LILRB4: variants seen among roughly 807,000 people sequenced by gnomAD.
LILRB4 encodes the protein leukocyte immunoglobulin-like receptor subfamily B member 4.
A neutral mutation model predicts 55.2 loss-of-function variants in LILRB4; 49 were observed. That is an observed-to-expected ratio of 0.89 (90% CI 0.71 to 1.13). The LOEUF (loss-of-function observed/expected upper bound fraction) is 1.13, where lower values mean the gene tolerates loss of function less well. LILRB4 is among the 50% of genes most tolerant of loss of function. LILRB4 has a pLI of 0.00. For synonymous variants in LILRB4, 229 were observed against 213.8 expected (o/e 1.07, Z -0.62); for missense variants, 590 against 555.2 (o/e 1.06, Z -0.63).
exon 3 of LILRB4, chr19:54,663,834 G>A (rs2065129728): frequency 3.7e-6 from 6 of 1,614,184 alleles, no homozygotes; most frequent in Non-Finnish European, 5.1e-6. Context: ...CTGGTGTCAG[G>A]GGACCCTGGA....
rs1054638220 is a variant in LILRB4, at chr19:54,666,041, C to G, written c.874+110C>G. On this transcript the variant is annotated intron_variant, in intron 7 of 11. Coordinates refer to ENST00000430952, the Ensembl canonical transcript of LILRB4. This position sits in a 1 kb window ranked among gnomAD's most constrained non-coding sequence, Gnocchi z 4.8. ...TCTTAGAAACTCTGCTCCAGAAATT[C>G]CCAGTGAGAAAATCTAGAAAGAAGA... is the stretch of plus-strand genomic sequence containing the variant. 5 of 1,430,586 alleles carry G rather than the reference C, an allele frequency of 3.5e-6. No homozygotes were observed. Among genetic ancestry groups the G allele is most frequent in the Non-Finnish European group, 4.8e-6 (5 of 1,044,892 alleles). The allele number at this position is 1,430,586 out of a possible 1,614,324, so 88.6% of individuals were successfully genotyped here. A position where few individuals can be genotyped will look rare whatever the true frequency, so the allele number is the denominator to read the frequency against.
intron 10 of LILRB4, 77 bp from the exon 11 acceptor site, chr19:54,667,558 C>T: frequency 6.3e-7 from 1 of 1,593,046 alleles, no homozygotes; most frequent in Non-Finnish European, 8.5e-7. Flanking sequence ...ATCGGATCAC[C>T]CTGGGAACAG....
chr19:54,667,939 A>G (rs534751), exon 12 of LILRB4: 56 of 1,613,180 alleles, frequency 3.5e-5, no homozygotes, highest in Middle Eastern at 1.6e-4. Context: ...CCTCAGACAG[A>G]AGGCAACTGA....
At chr19:54,663,212 C>G (rs754290951) in intron 1 of LILRB4, 145 bp downstream of exon 1, 4 of 931,924 alleles carry the variant, frequency 4.3e-6, no homozygotes, top group Non-Finnish European at 6.3e-6. Context: ...TTTGGGAGGC[C>G]GAGGCGGGCG....
In LILRB4 at chr19:54,667,165, G is replaced by A. The variant is rs373769110; in HGVS notation, c.1041+416G>A. The A allele has an allele frequency of 3.6e-3, 2,013 of 559,960 alleles. 15 individuals are homozygous for A. Among genetic ancestry groups the A allele is most frequent in the African/African-American group, 0.013 (683 of 52,634 alleles). 34.7% of individuals were successfully genotyped at this position (559,960 alleles called of 1,614,324 possible). A position where few individuals can be genotyped will look rare whatever the true frequency, so the allele number is the denominator to read the frequency against. On this transcript the variant is annotated intron_variant, in intron 10 of 11. Transcript: ENST00000430952. ...CGCCCCCGCCTCCTGAGCTCACCTC[G>A]TGGTGGGAGACAAAATGCAAATAAA...
In LILRB4 at chr19:54,665,733, C is replaced by T; in HGVS notation, c.758-82C>T. On this transcript the variant is annotated intron_variant, in intron 6 of 11. Coordinates refer to ENST00000430952, the Ensembl canonical transcript of LILRB4. The surrounding 1 kb of genome is among the most constrained non-coding windows in gnomAD (Gnocchi z 5.5). ...AGGGTTGGAGGTAATGAAAGAAAGA[C>T]CCAGCACACACAGTAGGTGCACACA... The T allele has an allele frequency of 6.7e-7, 1 of 1,482,432 alleles. No individual in the cohort carries two copies. The highest frequency in any genetic ancestry group is 9.2e-7 in the Non-Finnish European group (1 of 1,083,904). The allele number at this position is 1,482,432 out of a possible 1,614,324, so 91.8% of individuals were successfully genotyped here.
Position 54,665,411 on chromosome 19 carries a change from A to G in LILRB4, c.757+231A>G, listed in dbSNP as rs2065221626. Among the ~76,000 whole-genome samples the G allele has an allele frequency of 6.6e-6, 1 of 151,974 alleles. No homozygotes were observed. Among genetic ancestry groups the G allele is most frequent in the Non-Finnish European group, 1.5e-5 (1 of 67,964 alleles). On this transcript the variant is annotated intron_variant, in intron 6 of 11. Coordinates refer to ENST00000430952, the Ensembl canonical transcript of LILRB4. The surrounding 1 kb of genome is among the most constrained non-coding windows in gnomAD (Gnocchi z 5.5). ...GAGGAGGCCTCCCAGGGAACCTCCCAGACCCGATTCCGCAGGGGCCTGTCC... is the reference window on the plus strand; with the variant it reads ...GAGGAGGCCTCCCAGGGAACCTCCCGGACCCGATTCCGCAGGGGCCTGTCC...
At chr19:54,668,271 G>A (rs923784377) in exon 12 of LILRB4, 2 of 488,498 alleles carry the variant, frequency 4.1e-6, no homozygotes, top group Admixed American at 3.7e-5. Flanking sequence ...GTCAGACAAT[G>A]TTTTAAATTG....
At chr19:54,664,765 C>G in intron 4 of LILRB4, 34 bp from the exon 5 acceptor site, 1 of 1,510,648 alleles carries the variant, frequency 6.6e-7, no homozygotes, top group Non-Finnish European at 9.0e-7. Context: ...AGGGCAACCC[C>G]AGACTCTCAC....
In LILRB4 at chr19:54,665,954, C is replaced by T. The variant is rs778240144; in HGVS notation, c.874+23C>T. On this transcript the variant is annotated intron_variant, in intron 7 of 11. Transcript: ENST00000430952. This position sits in a 1 kb window ranked among gnomAD's most constrained non-coding sequence, Gnocchi z 5.5. ...TGGGTAAGTAGGAAATTGGGGGACC[C>T]GTGGGCTGATGGAGGGTGGGCTCAG... 69 of 1,613,444 alleles carry T rather than the reference C, an allele frequency of 4.3e-5. 1 individual carries two copies. The highest frequency in any genetic ancestry group is 2.9e-4 in the East Asian group (13 of 44,852).
In LILRB4 at chr19:54,665,643, TCA is replaced by T. The variant is rs1209304275; in HGVS notation, c.758-171_758-170del. Among the ~76,000 whole-genome samples, 3 of 152,140 alleles carry T rather than the reference TCA, an allele frequency of 2.0e-5. No individual in the cohort carries two copies. On this transcript the variant is annotated intron_variant, in intron 6 of 11. Coordinates refer to ENST00000430952, the Ensembl canonical transcript of LILRB4. The surrounding 1 kb of genome is among the most constrained non-coding windows in gnomAD (Gnocchi z 5.5). ...GGCAGGCGATTCCCCTCTCTGAGCC[TCA>T]GTTTGTGCATCTGTGAAATGGGTGG... is the stretch of plus-strand genomic sequence containing the variant.
In LILRB4 at chr19:54,665,919, C is replaced by G; in HGVS notation, c.862C>G (p.His288Asp). ...CCTCCAACACTGGCGTCAGGGAAAACACAGGACATTGGGTAAGTAGGAAAT... is the reference window on the plus strand; with the variant it reads ...CCTCCAACACTGGCGTCAGGGAAAAGACAGGACATTGGGTAAGTAGGAAAT... Residue 288 changes from histidine (H) to aspartate (D), a missense_variant, in exon 7 of 12, where the codon CAC becomes GAC. Physicochemically the swap from His to Asp is moderately conservative, Grantham distance 81. Transcript: ENST00000430952. The surrounding 1 kb of genome is among the most constrained non-coding windows in gnomAD (Gnocchi z 5.5). 1 of 1,613,896 alleles carries G rather than the reference C, an allele frequency of 6.2e-7. No homozygotes were observed. The highest frequency in any genetic ancestry group is 8.5e-7 in the Non-Finnish European group (1 of 1,179,972).
Position 54,666,530 on chromosome 19 carries a change from C to A in LILRB4, c.988+94C>A. The A allele has an allele frequency of 6.7e-7, 1 of 1,501,818 alleles. No homozygotes were observed. The highest frequency in any genetic ancestry group is 9.2e-7 in the Non-Finnish European group (1 of 1,089,858). The allele number at this position is 1,501,818 out of a possible 1,614,324, so 93.0% of individuals were successfully genotyped here. A position where few individuals can be genotyped will look rare whatever the true frequency, so the allele number is the denominator to read the frequency against. ...GGCAGGAGCACAGGCTAGGATTGGTCAGGGACTCAGGGAGAAGTGGTCTGA... is the reference window on the plus strand; with the variant it reads ...GGCAGGAGCACAGGCTAGGATTGGTAAGGGACTCAGGGAGAAGTGGTCTGA... On this transcript the variant is annotated intron_variant, in intron 9 of 11. Coordinates refer to ENST00000430952, the Ensembl canonical transcript of LILRB4. The surrounding 1 kb of genome is among the most constrained non-coding windows in gnomAD (Gnocchi z 4.8).
rs2065274357 is a variant in LILRB4, at chr19:54,666,571, C to T, written c.989-126C>T. On this transcript the variant is annotated intron_variant, in intron 9 of 11. Transcript: ENST00000430952. The surrounding 1 kb of genome is among the most constrained non-coding windows in gnomAD (Gnocchi z 4.8). Reference sequence around the variant, plus strand: ...AGTGGTCTGAACCCACATTGTGGGACCTCGGGGACATCACAGCCCCTCCCT... The same window carrying T: ...AGTGGTCTGAACCCACATTGTGGGATCTCGGGGACATCACAGCCCCTCCCT... The T allele has an allele frequency of 1.4e-6, 2 of 1,421,182 alleles. No individual in the cohort carries two copies. Among genetic ancestry groups the T allele is most frequent in the East Asian group, 2.3e-5 (1 of 43,878 alleles). 88.0% of individuals were successfully genotyped at this position (1,421,182 alleles called of 1,614,324 possible). A position where few individuals can be genotyped will look rare whatever the true frequency, so the allele number is the denominator to read the frequency against.
rs76445142 is a variant in LILRB4 at position 54,665,922 on chromosome 19, A to G, written c.865A>G (p.Arg289Gly). The G allele has an allele frequency of 1.8e-3, 2,910 of 1,613,766 alleles. 20 individuals are homozygous for G. The African/African-American group carries it at 0.021, about 11-fold the overall frequency. ...CCAACACTGGCGTCAGGGAAAACAC[A>G]GGACATTGGGTAAGTAGGAAATTGG... Residue 289 changes from arginine (R) to glycine (G), a missense_variant, in exon 7 of 12, where the codon AGG becomes GGG. Arg to Gly is a moderately radical substitution (Grantham distance 125, BLOSUM62 -2). Transcript: ENST00000430952. This position sits in a 1 kb window ranked among gnomAD's most constrained non-coding sequence, Gnocchi z 5.5.
chr19:54,666,902 C>T lies in LILRB4; in HGVS notation c.1041+153C>T, dbSNP rs1220977027. 2.4e-6 allele frequency: 2 copies of T among 827,646 alleles called. No individual in the cohort carries two copies. The highest frequency in any genetic ancestry group is 4.3e-6 in the Non-Finnish European group (2 of 467,330). 51.3% of individuals were successfully genotyped at this position (827,646 alleles called of 1,614,324 possible). ...CTGCCTCCTGCCTGCTGGGACCTCA[C>T]TCTCTCCTGCTGTCCTGGGACCTCA... On this transcript the variant is annotated intron_variant, in intron 10 of 11. Coordinates refer to ENST00000430952, the Ensembl canonical transcript of LILRB4. The surrounding 1 kb of genome is among the most constrained non-coding windows in gnomAD (Gnocchi z 4.8).
exon 11 of LILRB4, chr19:54,667,782 A>C: frequency 1.2e-6 from 2 of 1,610,142 alleles, no homozygotes; most frequent in Non-Finnish European, 8.5e-7. Context: ...GGACAGACAG[A>C]TGGACACTGA....
intron 4 of LILRB4, 127 bp from the exon 5 acceptor site, chr19:54,664,672 A>C: frequency 2.0e-6 from 2 of 994,860 alleles, no homozygotes; most frequent in Non-Finnish European, 3.0e-6. Flanking sequence ...TAGGGTCCAG[A>C]AGGTGCCAGG....
chr19:54,668,202 C>A, exon 12 of LILRB4: 1 of 637,920 alleles, frequency 1.6e-6, no homozygotes, highest in South Asian at 2.2e-5. Flanking sequence ...CCTGCATTAT[C>A]AAAATAAAGT....
Sources: gnomAD v4.1 joint callset for allele counts (sites outside exome capture counted in the v4.1 genomes callset) on GRCh38, gnomAD v4.1.1 for gene constraint, Gnocchi (gnomAD v3.1) non-coding constraint, MANE v1.5 for transcripts, NCBI Gene and HGNC (gene_info 2026-07-23, HGNC 2026-07-21) for gene names.